PLXNC1: variants seen among roughly 807,000 people sequenced by gnomAD.
PLXNC1 encodes plexin C1.
Under a neutral mutation model 178.2 loss-of-function variants are expected in PLXNC1, and 75 were observed. That is an observed-to-expected ratio of 0.42 (90% CI 0.35 to 0.51). The LOEUF (loss-of-function observed/expected upper bound fraction) is 0.51. Ranked by LOEUF, PLXNC1 falls within the 20% of genes least tolerant of loss-of-function variation. The probability of loss-of-function intolerance (pLI) is 0.02; values close to 1 mark genes in which losing one functional copy is unlikely to be tolerated. For missense variants in PLXNC1, 1,503 were observed against 1,984.4 expected (o/e 0.76, Z 4.61); for synonymous variants, 790 against 779.9 (o/e 1.01, Z -0.22).
chr12:94,291,620 G>A (rs1391367758), intron 23 of PLXNC1, among the ~76,000 whole-genome samples: 1 of 152,108 alleles, frequency 6.6e-6, no homozygotes, highest in Non-Finnish European at 1.5e-5. Context: ...AGCAACCATT[G>A]CCACAATCTA....
At chr12:94,284,914 G>A (rs1272927585) in intron 23 of PLXNC1, among the ~76,000 whole-genome samples, 3 of 152,228 alleles carry the variant, frequency 2.0e-5, no homozygotes, top group Admixed American at 2.0e-4. Flanking sequence ...TGTGTGAGAT[G>A]TAGATAGAAG....
At chr12:94,277,453 A>G (rs1045664245) in intron 21 of PLXNC1, among the ~76,000 whole-genome samples, 10 of 152,208 alleles carry the variant, frequency 6.6e-5, no homozygotes, top group African/African-American at 2.4e-4. Context: ...TCAGTGGTCC[A>G]TAAGTCACGG....
chr12:94,149,963 T>A lies in PLXNC1; in HGVS notation c.992T>A (p.Phe331Tyr), dbSNP rs775095546. 1 of 1,592,284 alleles carries A rather than the reference T, an allele frequency of 6.3e-7. No homozygotes were observed. Among genetic ancestry groups the A allele is most frequent in the Non-Finnish European group, 8.5e-7 (1 of 1,170,546 alleles). Residue 331 changes from phenylalanine to tyrosine, a missense_variant, in exon 1 of 31, where the codon TTC (phenylalanine) becomes TAC (tyrosine). This residue lies in a region of PLXNC1 where 615 missense variants were observed against 698.6 expected (regional missense o/e 0.88). Coordinates refer to ENST00000258526, the MANE Select transcript of PLXNC1 (RefSeq NM_005761.3). ...RSPTTTALCL[F>Y]RMSEIQARAK... ...CCCACCACCACGGCGCTCTGCCTCTTCAGAATGAGTGAGATCCAGGCGCGC... is the reference window on the plus strand; with the variant it reads ...CCCACCACCACGGCGCTCTGCCTCTACAGAATGAGTGAGATCCAGGCGCGC...
intron 9 of PLXNC1, among the ~76,000 whole-genome samples, chr12:94,233,996 C>T (rs1202136424): frequency 6.6e-6 from 1 of 152,102 alleles, no homozygotes; most frequent in Non-Finnish European, 1.5e-5. Flanking sequence ...TAATGTCCTT[C>T]GGTTTCAGAT....
chr12:94,177,111 GTATATATGTGTGTGTGTGTA>G (rs1473568516), intron 2 of PLXNC1, among the ~76,000 whole-genome samples: 1 of 135,198 alleles, frequency 7.4e-6, no homozygotes, highest in Non-Finnish European at 1.6e-5. Flanking sequence ...ATGTGTGTGT[GTATATATGTGTGTGTGTGTA>G]TATATATGTG....
chr12:94,264,433 TG>T (rs1592829214), intron 20 of PLXNC1, among the ~76,000 whole-genome samples: 1 of 152,238 alleles, frequency 6.6e-6, no homozygotes, highest in East Asian at 1.9e-4. Context: ...GGGAAGAAGA[TG>T]GAGTCCCTCT....
At chr12:94,212,118 C>CA (rs1963488760) in intron 5 of PLXNC1, among the ~76,000 whole-genome samples, 1 of 151,300 alleles carries the variant, frequency 6.6e-6, no homozygotes, top group Non-Finnish European at 1.5e-5. Context: ...ACTAAAAATA[C>CA]AAAAAATTAG....
chr12:94,171,378 A>C (rs1326434206), intron 2 of PLXNC1, among the ~76,000 whole-genome samples: 1 of 152,104 alleles, frequency 6.6e-6, no homozygotes, highest in Non-Finnish European at 1.5e-5. Flanking sequence ...TGTGACTGCT[A>C]ACATTTACAC....
chr12:94,301,246 G>GA (rs1166413384), intron 28 of PLXNC1, among the ~76,000 whole-genome samples, 189 bp downstream of exon 28: 22 of 152,078 alleles, frequency 1.4e-4, no homozygotes, highest in Admixed American at 1.4e-3. Flanking sequence ...TTTTTAAAGT[G>GA]AAAAACAAAA....
chr12:94,189,618 T>C (rs1326231830), intron 4 of PLXNC1, among the ~76,000 whole-genome samples: 2 of 151,656 alleles, frequency 1.3e-5, no homozygotes, highest in African/African-American at 4.9e-5. Context: ...AGGTAGAAGT[T>C]GCAGTGAGCT....
At chr12:94,221,731 G>T (rs1963800833) in intron 6 of PLXNC1, among the ~76,000 whole-genome samples, 1 of 152,170 alleles carries the variant, frequency 6.6e-6, no homozygotes, top group African/African-American at 2.4e-5. Flanking sequence ...TCAGTGTCTG[G>T]TAATGGCTTG....
chr12:94,192,571 G>A (rs147473709), intron 4 of PLXNC1, among the ~76,000 whole-genome samples: 5 of 152,062 alleles, frequency 3.3e-5, no homozygotes, highest in African/African-American at 1.2e-4. Context: ...GGGAAGAAGG[G>A]TGGGGTCAAT....
intron 23 of PLXNC1, among the ~76,000 whole-genome samples, chr12:94,285,070 G>A (rs982760629): frequency 6.6e-6 from 1 of 151,910 alleles, no homozygotes; most frequent in East Asian, 1.9e-4. Context: ...CACAAGTCAC[G>A]TGGATGGGAG....
intron 15 of PLXNC1, 40 bp downstream of exon 15, chr12:94,251,568 TG>T: frequency 7.7e-7 from 1 of 1,298,030 alleles, no homozygotes; most frequent in Non-Finnish European, 1.1e-6. Context: ...AATTATTCCC[TG>T]GGGCCTCTCG....
rs1960892100 is a variant in PLXNC1, at chr12:94,149,984, C to A, written c.1013C>A (p.Ala338Glu). The change falls in exon 1 of 31, where the codon GCG (alanine) becomes GAG (glutamate). Residue 338 changes from alanine to glutamate, a missense_variant. Physicochemically the swap from Ala to Glu is moderately radical, Grantham distance 107. This residue lies in a region of PLXNC1 where 615 missense variants were observed against 698.6 expected (regional missense o/e 0.88). Transcript: ENST00000258526. The stretch of plus-strand genomic sequence containing the variant: ...CTCTTCAGAATGAGTGAGATCCAGG[C>A]GCGCGCCAAGAGGGTCAGCTGGGAC... ...LCLFRMSEIQ[A>E]RAKRVSWDFK... is the part of the protein sequence containing the mutation. The A allele has an allele frequency of 1.3e-6, 2 of 1,595,312 alleles. No individual in the cohort carries two copies. Among genetic ancestry groups the A allele is most frequent in the Non-Finnish European group, 1.7e-6 (2 of 1,172,218 alleles).
intron 14 of PLXNC1, among the ~76,000 whole-genome samples, 196 bp downstream of exon 14, chr12:94,248,608 C>T (rs1304761003): frequency 3.3e-5 from 5 of 152,210 alleles, no homozygotes; most frequent in African/African-American, 1.2e-4. Flanking sequence ...TGTGCCTGTT[C>T]GAACGTCAAA....
At chr12:94,158,548 C>A (rs1961262117) in intron 1 of PLXNC1, among the ~76,000 whole-genome samples, 1 of 152,194 alleles carries the variant, frequency 6.6e-6, no homozygotes, top group Non-Finnish European at 1.5e-5. Context: ...ATAATCCCAG[C>A]ACCTTGGGTG....
chr12:94,250,811 G>C (rs1023882270), intron 14 of PLXNC1, among the ~76,000 whole-genome samples: 2 of 152,104 alleles, frequency 1.3e-5, no homozygotes, highest in Admixed American at 6.5e-5. Flanking sequence ...TTGAGTTCAG[G>C]AGTTCGAGAC....
intron 5 of PLXNC1, among the ~76,000 whole-genome samples, chr12:94,214,494 G>A (rs1963586710): frequency 6.6e-6 from 1 of 152,122 alleles, no homozygotes; most frequent in South Asian, 2.1e-4. Flanking sequence ...CAAGAAACAA[G>A]TAATACAAAT....
Sources: gnomAD v4.1 joint callset for allele counts (sites outside exome capture counted in the v4.1 genomes callset) on GRCh38, gnomAD v4.1.1 for gene constraint, gnomAD v4.1.1 regional missense constraint, MANE v1.5 for transcripts, NCBI Gene and HGNC (gene_info 2026-07-23, HGNC 2026-07-21) for gene names.